The following LAMA2 variants were observed in gnomAD, a reference collection of about 807,000 sequenced individuals.
LAMA2 encodes laminin subunit alpha-2.
Under a neutral mutation model 364.8 loss-of-function variants are expected in LAMA2, and 269 were observed. That is an observed-to-expected ratio of 0.74 (90% CI 0.67 to 0.82). LAMA2 has a LOEUF of 0.82. Ranked by LOEUF, LAMA2 falls within the 40% of genes least tolerant of loss-of-function variation. The pLI is 0.00. For synonymous variants in LAMA2, 1,379 were observed against 1,370.6 expected, an observed-to-expected ratio of 1.01 and a Z score of -0.14; for missense variants, 3,807 against 3,873.2, an observed-to-expected ratio of 0.98 and a Z score of 0.45.
At chr6:129,439,069 C>CCT (rs1392022372) in intron 42 of LAMA2, among the ~76,000 whole-genome samples, 3 of 151,562 alleles carry the variant, frequency 2.0e-5, no homozygotes, top group African/African-American at 7.3e-5. Flanking sequence ...TTCCAGGACC[C>CCT]CCCCCCACAG....
chr6:129,376,161 T>C (rs904507640), intron 34 of LAMA2, among the ~76,000 whole-genome samples: 5 of 152,196 alleles, frequency 3.3e-5, no homozygotes, highest in Non-Finnish European at 5.9e-5. Context: ...TCTGCTTCTC[T>C]CTCATCTCTC....
chr6:129,169,098 C>G (rs568862924), intron 9 of LAMA2, among the ~76,000 whole-genome samples: 5 of 152,020 alleles, frequency 3.3e-5, no homozygotes, highest in Non-Finnish European at 7.4e-5. Context: ...ACAATCATGT[C>G]GTCTGCAAAC....
At chr6:129,044,415 C>A (rs900401273) in intron 1 of LAMA2, among the ~76,000 whole-genome samples, 10 of 151,860 alleles carry the variant, frequency 6.6e-5, no homozygotes, top group African/African-American at 2.2e-4. Flanking sequence ...TTTGAGAAAG[C>A]AAATATGGTA....
At chr6:129,158,062 C>G in intron 8 of LAMA2, 1 of 1,612,294 alleles carries the variant, frequency 6.2e-7, no homozygotes, top group African/African-American at 1.3e-5. Context: ...GCGGGCTTTC[C>G]TTGGGTGCCA....
intron 61 of LAMA2, among the ~76,000 whole-genome samples, chr6:129,507,221 A>G (rs1458542560): frequency 2.6e-5 from 4 of 152,074 alleles, no homozygotes; most frequent in Non-Finnish European, 4.4e-5. Context: ...TGTCAAACCA[A>G]TGGAGACATA....
intron 4 of LAMA2, among the ~76,000 whole-genome samples, chr6:129,134,906 T>C (rs1212185777): frequency 1.3e-5 from 2 of 152,226 alleles, no homozygotes; most frequent in East Asian, 1.9e-4. Context: ...TCTACTGATA[T>C]GGATCAATGG....
At chr6:129,151,794 T>A (rs1778815340) in intron 7 of LAMA2, among the ~76,000 whole-genome samples, 1 of 152,016 alleles carries the variant, frequency 6.6e-6, no homozygotes, top group Admixed American at 6.6e-5. Flanking sequence ...TGATCCAGTC[T>A]CCTCCCTCCC....
At chr6:129,248,398 G>T (rs563065832) in intron 12 of LAMA2, among the ~76,000 whole-genome samples, 1 of 152,106 alleles carries the variant, frequency 6.6e-6, no homozygotes, top group Non-Finnish European at 1.5e-5. Context: ...ATCTATAGTC[G>T]TAACAGCTTT....
At chr6:129,322,058 C>T (rs1016231390) in intron 28 of LAMA2, among the ~76,000 whole-genome samples, 1 of 152,148 alleles carries the variant, frequency 6.6e-6, no homozygotes, top group African/African-American at 2.4e-5. Flanking sequence ...GCTTAGTTAC[C>T]ATCACATGGA....
At chr6:129,415,319 A>C (rs1180585735) in intron 40 of LAMA2, among the ~76,000 whole-genome samples, 1 of 152,076 alleles carries the variant, frequency 6.6e-6, no homozygotes, top group Non-Finnish European at 1.5e-5. Context: ...GGGCCATTTG[A>C]TGCTTGATTG....
At chr6:129,364,846 G>A (rs1777668648) in intron 32 of LAMA2, among the ~76,000 whole-genome samples, 1 of 152,220 alleles carries the variant, frequency 6.6e-6, no homozygotes, top group South Asian at 2.1e-4. Flanking sequence ...AGGAAGCATG[G>A]CTGGGGTGGC....
At chr6:128,988,730 G>A (rs1783425830) in intron 1 of LAMA2, among the ~76,000 whole-genome samples, 1 of 152,164 alleles carries the variant, frequency 6.6e-6, no homozygotes, top group Non-Finnish European at 1.5e-5. Flanking sequence ...TGGGCTTGAT[G>A]AAGATTGAAT....
At chr6:129,174,728 T>C (rs1780453571) in intron 9 of LAMA2, among the ~76,000 whole-genome samples, 1 of 152,178 alleles carries the variant, frequency 6.6e-6, no homozygotes, top group Non-Finnish European at 1.5e-5. Context: ...TGACGTAAGC[T>C]TTCTAGAAGT....
chr6:129,317,194 G>A (rs1774667772), intron 27 of LAMA2, among the ~76,000 whole-genome samples: 1 of 152,122 alleles, frequency 6.6e-6, no homozygotes, highest in Admixed American at 6.5e-5. Flanking sequence ...ATACCATGGA[G>A]GCAGAAAGTT....
chr6:129,286,435 T>A (rs1255740228), intron 18 of LAMA2, among the ~76,000 whole-genome samples: 2 of 149,426 alleles, frequency 1.3e-5, no homozygotes, highest in Non-Finnish European at 3.0e-5. Context: ...AGCAGTAAGT[T>A]GCATTTTAAA....
At chr6:128,972,094 C>A (rs1782221959) in intron 1 of LAMA2, among the ~76,000 whole-genome samples, 1 of 152,120 alleles carries the variant, frequency 6.6e-6, no homozygotes, top group African/African-American at 2.4e-5. Context: ...GAGGGGAGAC[C>A]AGCCTGTTGG....
chr6:129,138,868 A>G (rs911180940), intron 4 of LAMA2, among the ~76,000 whole-genome samples: 1 of 152,146 alleles, frequency 6.6e-6, no homozygotes, highest in Non-Finnish European at 1.5e-5. Context: ...AGGGTTGAGC[A>G]CTGTGGTGCT....
At chr6:129,048,440 TTTTCTTTCTTTCTTTCTTTCTTTC>T (rs1271730400) in intron 1 of LAMA2, among the ~76,000 whole-genome samples, 57 of 103,984 alleles carry the variant, frequency 5.5e-4, no homozygotes, top group African/African-American at 1.9e-3. Context: ...TTCTTTTTTC[TTTTCTTTCTTTCTTTCTTTCTTTC>T]TTTCTTTCTT....
intron 42 of LAMA2, among the ~76,000 whole-genome samples, chr6:129,439,607 A>G (rs540161550): frequency 2.6e-5 from 4 of 152,154 alleles, no homozygotes; most frequent in Non-Finnish European, 4.4e-5. Context: ...CTTTCTACCT[A>G]TTAGAACTGC....
Sources: gnomAD v4.1 joint callset for allele counts (sites outside exome capture counted in the v4.1 genomes callset) on GRCh38, gnomAD v4.1.1 for gene constraint, MANE v1.5 for transcripts, NCBI Gene and HGNC (gene_info 2026-07-23, HGNC 2026-07-21) for gene names.